KCNH7: variants seen among roughly 807,000 people sequenced by gnomAD.
KCNH7 encodes potassium voltage-gated channel subfamily H member 7, also known as voltage-gated inwardly rectifying potassium channel KCNH7.
KCNH7 carries 49 observed loss-of-function variants against 120.8 expected under a neutral mutation model. The ratio of observed to expected loss-of-function variants is 0.41; its 90% CI spans 0.32 to 0.51. The LOEUF (loss-of-function observed/expected upper bound fraction) is 0.51. Among genes scored for constraint, KCNH7 ranks in the 20% least tolerant of loss-of-function variants. The probability of loss-of-function intolerance (pLI) is 0.38; values close to 1 mark genes in which losing one functional copy is unlikely to be tolerated. For synonymous variants in KCNH7, 547 were observed against 516.1 expected, an observed-to-expected ratio of 1.06 and a Z score of -0.81; for missense variants, 1,097 against 1,446.6, an observed-to-expected ratio of 0.76 and a Z score of 3.92.
chr2:162,387,810 T>A (rs1428036885), intron 12 of KCNH7, among the ~76,000 whole-genome samples: 1 of 151,794 alleles, frequency 6.6e-6, no homozygotes, highest in Non-Finnish European at 1.5e-5. Flanking sequence ...GACCCATTTA[T>A]CTTAAGAATG....
At chr2:162,599,423 G>A (rs1471111540) in intron 2 of KCNH7, among the ~76,000 whole-genome samples, 1 of 151,922 alleles carries the variant, frequency 6.6e-6, no homozygotes, top group African/African-American at 2.4e-5. Flanking sequence ...ATGAAATAAT[G>A]TTGTGAAATC....
chr2:162,661,544 G>T (rs1684958509), intron 2 of KCNH7, among the ~76,000 whole-genome samples: 1 of 152,128 alleles, frequency 6.6e-6, no homozygotes, highest in African/African-American at 2.4e-5. Context: ...GTGTCTGTAA[G>T]GCGTAAAAAC....
intron 2 of KCNH7, among the ~76,000 whole-genome samples, chr2:162,766,037 CT>C (rs201026709): frequency 0.14 from 21,293 of 150,890 alleles, 1,744 homozygotes; most frequent in Non-Finnish European, 0.18. Context: ...GATTGCAGAA[CT>C]TTTTTTTTTC....
intron 12 of KCNH7, among the ~76,000 whole-genome samples, chr2:162,392,774 A>T (rs1370217464): frequency 6.6e-6 from 1 of 151,964 alleles, no homozygotes; most frequent in African/African-American, 2.4e-5. Flanking sequence ...TAAGGGAAGG[A>T]TATTATGAAA....
chr2:162,515,819 A>C (rs1691269195), intron 4 of KCNH7, among the ~76,000 whole-genome samples: 1 of 151,728 alleles, frequency 6.6e-6, no homozygotes, highest in African/African-American at 2.4e-5. Context: ...CCCACAGATT[A>C]AAATAGATGT....
chr2:162,712,738 C>T (rs747159363), intron 2 of KCNH7, among the ~76,000 whole-genome samples: 10 of 152,160 alleles, frequency 6.6e-5, no homozygotes, highest in Admixed American at 2.0e-4. Context: ...GTTTTCAACA[C>T]GTATCATTTA....
chr2:162,426,446 G>T (rs1687868041), intron 8 of KCNH7, among the ~76,000 whole-genome samples: 2 of 152,044 alleles, frequency 1.3e-5, no homozygotes, highest in Admixed American at 1.3e-4. Context: ...ACAGACTATG[G>T]ATATCTAGGC....
chr2:162,446,548 G>C, intron 6 of KCNH7, 105 bp from the exon 7 acceptor site: 3 of 779,384 alleles, frequency 3.8e-6, no homozygotes, highest in Non-Finnish European at 6.0e-6. Flanking sequence ...ATTTATTAGA[G>C]AGAATTCATG....
chr2:162,396,585 G>A (rs1202626923), intron 11 of KCNH7, among the ~76,000 whole-genome samples, 155 bp downstream of exon 11: 1 of 151,802 alleles, frequency 6.6e-6, no homozygotes, highest in East Asian at 1.9e-4. Context: ...CTATAATTCA[G>A]AAATTTTAAT....
intron 6 of KCNH7, among the ~76,000 whole-genome samples, chr2:162,468,607 G>A (rs759661000): frequency 5.5e-5 from 7 of 127,212 alleles, no homozygotes; most frequent in Non-Finnish European, 9.4e-5. Context: ...TGCAACCTCC[G>A]CCTCCCAGGC....
chr2:162,747,524 G>A (rs969902866), intron 2 of KCNH7, among the ~76,000 whole-genome samples: 4 of 152,180 alleles, frequency 2.6e-5, no homozygotes, highest in Non-Finnish European at 5.9e-5. Flanking sequence ...TTCTAGTTGG[G>A]TGTGAGTTGA....
intron 2 of KCNH7, among the ~76,000 whole-genome samples, chr2:162,637,509 T>C (rs1373363300): frequency 6.6e-6 from 1 of 152,048 alleles, no homozygotes; most frequent in Admixed American, 6.6e-5. Context: ...AAAGAAGAAA[T>C]GAGTTTAGGA....
intron 2 of KCNH7, 129 bp downstream of exon 2, chr2:162,836,408 C>T: frequency 1.4e-6 from 1 of 713,128 alleles, no homozygotes; most frequent in Non-Finnish European, 2.3e-6. Context: ...TGTTGGATCC[C>T]AAAATACTAT....
At chr2:162,459,908 A>G (rs1689090335) in intron 6 of KCNH7, among the ~76,000 whole-genome samples, 1 of 152,016 alleles carries the variant, frequency 6.6e-6, no homozygotes. Flanking sequence ...ATCCTGGCCA[A>G]CATGGTGAAA....
intron 9 of KCNH7, 90 bp from the exon 10 acceptor site, chr2:162,400,531 G>A: frequency 3.7e-6 from 5 of 1,339,826 alleles, no homozygotes; most frequent in Non-Finnish European, 5.2e-6. Flanking sequence ...AGAACTGCAG[G>A]TGTAGTCATT....
At chr2:162,763,581 A>G (rs1281195803) in intron 2 of KCNH7, among the ~76,000 whole-genome samples, 1 of 152,054 alleles carries the variant, frequency 6.6e-6, no homozygotes, top group Non-Finnish European at 1.5e-5. Context: ...TAGAGAGTAA[A>G]CATTCAACCA....
chr2:162,446,790 G>C (rs985128439), intron 6 of KCNH7, among the ~76,000 whole-genome samples: 1 of 152,038 alleles, frequency 6.6e-6, no homozygotes, highest in Non-Finnish European at 1.5e-5. Flanking sequence ...CACAAAGTTG[G>C]TTTTGATATA....
At chr2:162,502,830 C>A (rs1690729925) in intron 6 of KCNH7, among the ~76,000 whole-genome samples, 2 of 151,970 alleles carry the variant, frequency 1.3e-5, no homozygotes, top group Admixed American at 6.6e-5. Context: ...CATAGGGTGG[C>A]CTCTGTGGTG....
At position 162,704,445 on chromosome 2, in the gene KCNH7, A is replaced by T. The variant is rs111306812; in HGVS notation, c.307+132092T>A. 9.0e-3 allele frequency among the ~76,000 whole-genome samples: 1,374 copies of T among 152,312 alleles called. 19 individuals carry two copies. Among genetic ancestry groups the T allele is most frequent in the African/African-American group, 0.032 (1,310 of 41,572 alleles). On this transcript the variant is annotated intron_variant, in intron 2 of 15. Transcript: ENST00000332142. ...TCCCATGAGTTTAAACTGACTTGAA[A>T]CACAACATTTGATTGTATAGAAATT... is the stretch of plus-strand genomic sequence containing the variant.
Sources: gnomAD v4.1 joint callset for allele counts (sites outside exome capture counted in the v4.1 genomes callset) on GRCh38, gnomAD v4.1.1 for gene constraint, MANE v1.5 for transcripts, NCBI Gene and HGNC (gene_info 2026-07-23, HGNC 2026-07-21) for gene names.